Variants in ZNF233 observed in about 807,000 individuals in gnomAD.
ZNF233 encodes zinc finger protein 233.
ZNF233 carries 7 observed loss-of-function variants against 11.6 expected under a neutral mutation model. The observed-to-expected ratio is 0.60, with a 90% CI of 0.34 to 1.13. The LOEUF (loss-of-function observed/expected upper bound fraction) is 1.13, where lower values mean the gene tolerates loss of function less well. Ranked by LOEUF, ZNF233 falls within the 50% of genes most tolerant of loss-of-function variation. ZNF233 has a pLI of 0.03. For missense variants in ZNF233, 711 were observed against 785.5 expected (o/e 0.91, Z 1.13); for synonymous variants, 226 against 268.5 (o/e 0.84, Z 1.55).
At chr19:44,272,227 CA>C (rs1226989331) in intron 4 of ZNF233, among the ~76,000 whole-genome samples, 6,354 of 78,238 alleles carry the variant, frequency 0.081, 338 homozygotes, top group African/African-American at 0.22. Context: ...GACTCCATCT[CA>C]AAAAAAAAAA....
At chr19:44,268,950 G>A (rs1199279135) in intron 4 of ZNF233, among the ~76,000 whole-genome samples, 3 of 152,092 alleles carry the variant, frequency 2.0e-5, no homozygotes, top group African/African-American at 7.2e-5. Flanking sequence ...CAAACCAAAA[G>A]CCCAGGAGAA....
chr19:44,263,882 A>G (rs1478297016), intron 1 of ZNF233, among the ~76,000 whole-genome samples: 4 of 152,244 alleles, frequency 2.6e-5, no homozygotes, highest in African/African-American at 9.6e-5. Flanking sequence ...ACGAGTTTCC[A>G]TCTGTTCACA....
At chr19:44,266,772 ATAC>A (rs1278718799) in intron 3 of ZNF233, 91 bp from the exon 4 acceptor site, 2 of 847,544 alleles carry the variant, frequency 2.4e-6, no homozygotes, top group Non-Finnish European at 3.7e-6. Context: ...ATTTTGAAAA[ATAC>A]TACTTAGAGC....
Position 44,274,675 on chromosome 19 carries a change from G to C in ZNF233, c.*2G>C. The C allele has an allele frequency of 6.3e-7, 1 of 1,581,538 alleles. No homozygotes were observed. Among genetic ancestry groups the C allele is most frequent in the Non-Finnish European group, 8.6e-7 (1 of 1,161,914 alleles). ...TCAGATTCATCAGAGAGTCCATGAT[G>C]GTGATGAATCTATTAATCATGATGA... On this transcript the variant is annotated 3_prime_UTR_variant, in exon 5 of 5. Coordinates refer to ENST00000683810, the MANE Select transcript of ZNF233 (RefSeq NM_001207005.2).
At position 44,274,630 on chromosome 19, in the gene ZNF233, T is replaced by C. The variant is rs1458263145; in HGVS notation, c.1970T>C (p.Phe657Ser). 8 of 1,592,904 alleles carry C rather than the reference T, an allele frequency of 5.0e-6. No homozygotes were observed. Among genetic ancestry groups the C allele is most frequent in the Non-Finnish European group, 5.1e-6 (6 of 1,176,956 alleles). The change falls in exon 5 of 5, where the codon TTT (phenylalanine) becomes TCT (serine). Residue 657 changes from phenylalanine to serine, a missense_variant. By Grantham distance (155) the Phe-to-Ser change is radical. Transcript: ENST00000683810. Reference sequence around the variant, plus strand: ...AAATGTTTTGTGTGTGGTAAGGGCTTTAGTAAGAGTTCGTTGTCTTCAGAT... The same window carrying C: ...AAATGTTTTGTGTGTGGTAAGGGCTCTAGTAAGAGTTCGTTGTCTTCAGAT... The part of the protein sequence containing the change: ...PYKCFVCGKG[F>S]SKSSLSSDSS...
intron 1 of ZNF233, 124 bp downstream of exon 1, chr19:44,260,062 G>A (rs1420339882): frequency 2.8e-6 from 1 of 354,412 alleles, no homozygotes; most frequent in Non-Finnish European, 5.7e-6. Context: ...CGGTTTGCTT[G>A]CCCTTTGTTT....
Position 44,266,785 on chromosome 19 carries a change from C to T in ZNF233, c.143-81C>T, listed in dbSNP as rs1568633966. 1.6e-5 allele frequency: 16 copies of T among 973,400 alleles called. No homozygotes were observed. In the East Asian group the frequency reaches 1.7e-4, roughly 10 times the overall value. The allele number at this position is 973,400 out of a possible 1,614,324, so 60.3% of individuals were successfully genotyped here. On this transcript the variant is annotated intron_variant, in intron 3 of 4. Coordinates refer to ENST00000683810, the MANE Select transcript of ZNF233 (RefSeq NM_001207005.2). ...CAATTTTGAAAAATACTACTTAGAG[C>T]GCATGAAAATGGTGGTGTTGGAATT...
intron 1 of ZNF233, among the ~76,000 whole-genome samples, chr19:44,262,569 T>C (rs537063337): frequency 9.9e-5 from 15 of 152,260 alleles, no homozygotes; most frequent in Admixed American, 2.6e-4. Context: ...ACAAAGGGAA[T>C]TGGATATTAA....
In ZNF233 at chr19:44,273,157, C is replaced by CA; in HGVS notation, c.500dup (p.Asn167LysfsTer2). On this transcript the variant is annotated frameshift_variant, in exon 5 of 5. Transcript: ENST00000683810. LOFTEE classifies it low-confidence loss of function (END_TRUNC). Reference sequence around the variant, plus strand: ...GTAATAAAGCTACAAGGGGAGAGTTCAAATAGCATAAAAAATCAAGAGCTT... The same window carrying CA: ...GTAATAAAGCTACAAGGGGAGAGTTCAAAATAGCATAAAAAATCAAGAGCTT... 1 of 1,613,826 alleles carries CA rather than the reference C, an allele frequency of 6.2e-7. No homozygotes were observed. Among genetic ancestry groups the CA allele is most frequent in the Non-Finnish European group, 8.5e-7 (1 of 1,180,006 alleles).
chr19:44,261,165 G>T (rs1974926232), intron 1 of ZNF233, among the ~76,000 whole-genome samples: 1 of 152,158 alleles, frequency 6.6e-6, no homozygotes, highest in Non-Finnish European at 1.5e-5. Context: ...TCCCATGGGG[G>T]TGCAGTGACT....
At chr19:44,266,165 TA>T (rs1975075671) in intron 2 of ZNF233, 32 bp from the exon 3 acceptor site, 3 of 1,584,138 alleles carry the variant, frequency 1.9e-6, no homozygotes, top group Non-Finnish European at 2.6e-6. Flanking sequence ...TTATTGGCCA[TA>T]AGATTGAGAT....
rs1975015209 is a variant in ZNF233 at position 44,264,479 on chromosome 19, G to C, written c.15+104G>C. 4.5e-6 allele frequency: 5 copies of C among 1,109,316 alleles called. No individual in the cohort carries two copies. The East Asian group carries it at 1.4e-4, about 30-fold the overall frequency. 68.7% of individuals were successfully genotyped at this position (1,109,316 alleles called of 1,614,324 possible). ...TGGGAAAGATAAAGGAGGAAAACAGGTATTTGGAATCTGCTAGTTACTTGA... is the reference window on the plus strand; with the variant it reads ...TGGGAAAGATAAAGGAGGAAAACAGCTATTTGGAATCTGCTAGTTACTTGA... On this transcript the variant is annotated intron_variant, in intron 2 of 4. Coordinates refer to ENST00000683810, the MANE Select transcript of ZNF233 (RefSeq NM_001207005.2).
intron 4 of ZNF233, among the ~76,000 whole-genome samples, chr19:44,269,837 C>T (rs981127690): frequency 2.6e-5 from 4 of 152,086 alleles, no homozygotes; most frequent in African/African-American, 9.7e-5. Context: ...AATCTGACAG[C>T]GTATTCTACC....
rs1397692613 is a variant in ZNF233 at position 44,266,859 on chromosome 19, T to C, written c.143-7T>C. On this transcript the variant is annotated splice_region_variant and splice_polypyrimidine_tract_variant and intron_variant, in intron 3 of 4. Transcript: ENST00000683810. ...CACTTTATATATATGCCATTTCTTT[T>C]TCACAGGCTATCAACCCTTCAAACT... 1.2e-6 allele frequency: 2 copies of C among 1,607,408 alleles called. No individual in the cohort carries two copies. The highest frequency in any genetic ancestry group is 4.5e-5 in the East Asian group (2 of 44,866).
chr19:44,264,663 C>T (rs1485450971), intron 2 of ZNF233, among the ~76,000 whole-genome samples: 1 of 152,072 alleles, frequency 6.6e-6, no homozygotes, highest in African/African-American at 2.4e-5. Context: ...TAATCTATTT[C>T]CCCCATACTA....
At position 44,274,620 on chromosome 19, in the gene ZNF233, G is replaced by A; in HGVS notation, c.1960G>A (p.Gly654Ser). 1.2e-6 allele frequency: 2 copies of A among 1,604,798 alleles called. No individual in the cohort carries two copies. The highest frequency in any genetic ancestry group is 1.7e-6 in the Non-Finnish European group (2 of 1,178,940). ...GAAACCATACAAATGTTTTGTGTGT[G>A]GTAAGGGCTTTAGTAAGAGTTCGTT... is the stretch of plus-strand genomic sequence containing the variant. ...GEKPYKCFVC[G>S]KGFSKSSLSS... The change falls in exon 5 of 5, where the codon GGT becomes AGT. Residue 654 changes from glycine to serine, a missense_variant. Gly to Ser is a moderately conservative substitution (Grantham distance 56). Transcript: ENST00000683810.
rs752266706 is a variant in ZNF233, at chr19:44,274,277, G to A, written c.1617G>A (p.Glu539=). The A allele has an allele frequency of 1.1e-5, 18 of 1,610,440 alleles. No homozygotes were observed. In the East Asian group the frequency reaches 1.8e-4, roughly 16 times the overall value. Residue 539 remains glutamate, a synonymous_variant, in exon 5 of 5, where the codon GAG becomes GAA. Coordinates refer to ENST00000683810, the MANE Select transcript of ZNF233 (RefSeq NM_001207005.2). ...AAGGAGAGAAGCCATACAAATGTGA[G>A]ACATGTGGGAAGGGCTTTAGTCAGA... The part of the protein sequence containing the change: ...VHKGEKPYKC[E]TCGKGFSQSS...
rs527411039 is a variant in ZNF233 at position 44,266,718 on chromosome 19, G to A, written c.143-148G>A. 1.4e-4 allele frequency: 76 copies of A among 540,076 alleles called. 1 individual carries two copies. The East Asian group carries it at 1.6e-3, about 12-fold the overall frequency. The allele number at this position is 540,076 out of a possible 1,614,324, so 33.5% of individuals were successfully genotyped here. On this transcript the variant is annotated intron_variant, in intron 3 of 4. Coordinates refer to ENST00000683810, the MANE Select transcript of ZNF233 (RefSeq NM_001207005.2). ...ATTTACATTTATGTATTTGTGTACC[G>A]GATCACAAATTAAAAGGTATTCAGA...
intron 4 of ZNF233, chr19:44,268,311 T>C (rs907220483): frequency 3.9e-5 from 6 of 152,208 alleles, no homozygotes; most frequent in African/African-American, 1.4e-4. Flanking sequence ...AGAGTACAAC[T>C]TCATGAACGT....
Sources: gnomAD v4.1 joint callset for allele counts (sites outside exome capture counted in the v4.1 genomes callset) on GRCh38, gnomAD v4.1.1 for gene constraint, MANE v1.5 for transcripts, NCBI Gene and HGNC (gene_info 2026-07-23, HGNC 2026-07-21) for gene names.